ZIK1: variants seen among roughly 807,000 people sequenced by gnomAD.
ZIK1 encodes the protein zinc finger protein interacting with ribonucleoprotein K.
ZIK1 carries 12 observed loss-of-function variants against 10.7 expected under a neutral mutation model. The ratio of observed to expected loss-of-function variants is 1.12; its 90% CI spans 0.72 to 1.81. ZIK1 has a LOEUF of 1.81. Ranked by LOEUF, ZIK1 falls within the 40% of genes most tolerant of loss-of-function variation. ZIK1 has a pLI of 0.00. For synonymous variants in ZIK1, 190 were observed against 205.0 expected, an observed-to-expected ratio of 0.93 and a Z score of 0.63; for missense variants, 497 against 585.7, an observed-to-expected ratio of 0.85 and a Z score of 1.56.
chr19:57,585,452 G>A (rs919643071), intron 2 of ZIK1, among the ~76,000 whole-genome samples: 2 of 152,212 alleles, frequency 1.3e-5, no homozygotes, highest in African/African-American at 4.8e-5. Context: ...TGATGGAGGC[G>A]ATAGAAAGAC....
chr19:57,589,785 A>G (rs1979489672), intron 3 of ZIK1: 1 of 816,362 alleles, frequency 1.2e-6, no homozygotes, highest in Non-Finnish European at 1.5e-6. Context: ...AGGCAATGCC[A>G]TTCCCTGTCC....
Position 57,592,263 on chromosome 19 carries a change from CAT to C in ZIK1, c.*989_*990del, listed in dbSNP as rs1162914584. 3 of 152,200 alleles carry C rather than the reference CAT, an allele frequency of 2.0e-5. 1 individual carries two copies. The highest frequency in any genetic ancestry group is 4.1e-4 in the South Asian group (2 of 4,828). 9.4% of individuals were successfully genotyped at this position (152,200 alleles called of 1,614,324 possible). A position where few individuals can be genotyped will look rare whatever the true frequency, so the allele number is the denominator to read the frequency against. On this transcript the variant is annotated 3_prime_UTR_variant, in exon 4 of 4. Coordinates refer to ENST00000597850, the MANE Select transcript of ZIK1 (RefSeq NM_001010879.4). ...GTCACGCAGAAGACAACGCGAGTCACATGTGAACTGTAATTGGTACAGAAATA... is the reference window on the plus strand; with the variant it reads ...GTCACGCAGAAGACAACGCGAGTCACGTGAACTGTAATTGGTACAGAAATA...
chr19:57,584,854 A>G (rs1978985325), intron 1 of ZIK1, 98 bp from the exon 2 acceptor site: 5 of 1,389,862 alleles, frequency 3.6e-6, no homozygotes, highest in Non-Finnish European at 5.0e-6. Context: ...AGGCATCCTC[A>G]GTCCACCTGG....
intron 1 of ZIK1, 120 bp downstream of exon 1, chr19:57,584,509 C>T: frequency 7.0e-7 from 1 of 1,436,096 alleles, no homozygotes. Context: ...TCCCTATTTC[C>T]AGAACTTGGG....
chr19:57,588,812 CCTGCTGCCCAGTGGTCTGGGAACA>C, intron 3 of ZIK1, 147 bp downstream of exon 3: 2 of 860,342 alleles, frequency 2.3e-6, no homozygotes, highest in East Asian at 6.4e-5. Context: ...TCTGGGAACA[CCTGCTGCCCAGTGGTCTGGGAACA>C]CCTGCCACTG....
Position 57,591,690 on chromosome 19 carries a change from T to C in ZIK1, c.*415T>C, listed in dbSNP as rs558384423. On this transcript the variant is annotated 3_prime_UTR_variant, in exon 4 of 4. Transcript: ENST00000597850. ...CAGCCTTGGTTCTGCTGGACACTTA[T>C]GTGCAAGGATTCCCTTCATGTAAAT... 1.0e-4 allele frequency: 17 copies of C among 169,078 alleles called. No individual in the cohort carries two copies. Among genetic ancestry groups the C allele is most frequent in the South Asian group, 3.4e-4 (2 of 5,808 alleles). The allele number at this position is 169,078 out of a possible 1,614,324, so 10.5% of individuals were successfully genotyped here. A position where few individuals can be genotyped will look rare whatever the true frequency, so the allele number is the denominator to read the frequency against.
rs75594122 is a variant in ZIK1, at chr19:57,590,589, G to A, written c.778G>A (p.Val260Ile). ...GTACTCACTTGTTCAGCACCAGAGAGTCCATACTGGAGAAAGGCCTTGGGA... is the reference window on the plus strand; with the variant it reads ...GTACTCACTTGTTCAGCACCAGAGAATCCATACTGGAGAAAGGCCTTGGGA... ...GKYSLVQHQR[V>I]HTGERPWECN... The change falls in exon 4 of 4, where the codon GTC (valine) becomes ATC (isoleucine). Residue 260 changes from valine to isoleucine, a missense_variant. Coordinates refer to ENST00000597850, the MANE Select transcript of ZIK1 (RefSeq NM_001010879.4). 7.0e-4 allele frequency: 1,138 copies of A among 1,614,250 alleles called. 11 individuals are homozygous for A. In the African/African-American group the frequency reaches 0.014, roughly 20 times the overall value.
chr19:57,589,864 T>C (rs1979494636), intron 3 of ZIK1, 147 bp from the exon 4 acceptor site: 2 of 1,134,854 alleles, frequency 1.8e-6, no homozygotes, highest in Non-Finnish European at 1.2e-6. Flanking sequence ...AGATCCAGTA[T>C]TGCAAAGCAA....
chr19:57,585,743 C>G (rs996207925), intron 2 of ZIK1, among the ~76,000 whole-genome samples: 5 of 152,168 alleles, frequency 3.3e-5, no homozygotes, highest in African/African-American at 1.2e-4. Flanking sequence ...CAGTCTCACT[C>G]TGTCACTCAG....
intron 3 of ZIK1, 100 bp from the exon 4 acceptor site, chr19:57,589,911 A>T: frequency 7.1e-7 from 1 of 1,415,790 alleles, no homozygotes; most frequent in South Asian, 1.4e-5. Context: ...CATTATCCTC[A>T]AAACAAACCT....
chr19:57,589,473 C>T (rs933262948), intron 3 of ZIK1: 17 of 985,306 alleles, frequency 1.7e-5, no homozygotes, highest in Middle Eastern at 5.2e-4. Context: ...GCTACCTCCA[C>T]CTTTCTGATC....
At position 57,592,256 on chromosome 19, in the gene ZIK1, C is replaced by T. The variant is rs908533282; in HGVS notation, c.*981C>T. ...GGCCGATGTCACGCAGAAGACAACG[C>T]GAGTCACATGTGAACTGTAATTGGT... On this transcript the variant is annotated 3_prime_UTR_variant, in exon 4 of 4. Transcript: ENST00000597850. 9.9e-5 allele frequency: 15 copies of T among 151,976 alleles called. No individual in the cohort carries two copies. The highest frequency in any genetic ancestry group is 3.6e-4 in the African/African-American group (15 of 41,376). The allele number at this position is 151,976 out of a possible 1,614,324, so 9.4% of individuals were successfully genotyped here. A position where few individuals can be genotyped will look rare whatever the true frequency, so the allele number is the denominator to read the frequency against.
intron 3 of ZIK1, 64 bp downstream of exon 3, chr19:57,588,729 T>C: frequency 7.3e-7 from 1 of 1,369,864 alleles, no homozygotes; most frequent in Non-Finnish European, 9.5e-7. Context: ...ACTTCTCCAC[T>C]TTCTTGGGAT....
intron 2 of ZIK1, among the ~76,000 whole-genome samples, chr19:57,586,724 C>CTGATAAAG (rs1979195016): frequency 6.6e-6 from 1 of 152,170 alleles, no homozygotes; most frequent in African/African-American, 2.4e-5. Context: ...AGTCCATTTT[C>CTGATAAAG]ACACTGCTGA....
chr19:57,591,021 G>A lies in ZIK1; in HGVS notation c.1210G>A (p.Glu404Lys). ...LIKHQRVHTG[E>K]RPYKCGDCGK... is the part of the protein sequence containing the mutation. ...TAAACACCAGAGAGTTCACACTGGA[G>A]AAAGGCCTTATAAGTGTGGTGACTG... Residue 404 changes from glutamate (E) to lysine (K), a missense_variant, in exon 4 of 4, where the codon GAA becomes AAA. Glu to Lys is a moderately conservative substitution (Grantham distance 56, BLOSUM62 1). Transcript: ENST00000597850. The A allele has an allele frequency of 6.2e-7, 1 of 1,614,180 alleles. No homozygotes were observed.
Position 57,590,675 on chromosome 19 carries a change from C to T in ZIK1, c.864C>T (p.Ile288=). Reference sequence around the variant, plus strand: ...CCCACCTGAATGATCATCGGAGAATCCACACCGGAGAAAGGCCTTATGAGT... The same window carrying T: ...CCCACCTGAATGATCATCGGAGAATTCACACCGGAGAAAGGCCTTATGAGT... The part of the protein sequence containing the change: ...QTSHLNDHRR[I]HTGERPYECS... The change falls in exon 4 of 4, where the codon ATC becomes ATT. Residue 288 remains isoleucine, a synonymous_variant. Coordinates refer to ENST00000597850, the MANE Select transcript of ZIK1 (RefSeq NM_001010879.4). 1 of 1,614,058 alleles carries T rather than the reference C, an allele frequency of 6.2e-7. No homozygotes were observed. The highest frequency in any genetic ancestry group is 2.2e-5 in the East Asian group (1 of 44,870).
intron 3 of ZIK1, 21 bp downstream of exon 3, chr19:57,588,686 C>G: frequency 6.7e-7 from 1 of 1,501,366 alleles, no homozygotes; most frequent in East Asian, 2.4e-5. Flanking sequence ...AATACCAACT[C>G]CAGTGTCCTG....
chr19:57,589,178 G>A (rs993928686), intron 3 of ZIK1: 48 of 770,472 alleles, frequency 6.2e-5, no homozygotes, highest in Non-Finnish European at 7.4e-5. Context: ...TTTCTGGTAG[G>A]ACTTGGCTTC....
At chr19:57,589,840 T>G in intron 3 of ZIK1, 171 bp from the exon 4 acceptor site, 1 of 659,018 alleles carries the variant, frequency 1.5e-6, no homozygotes, top group Non-Finnish European at 1.9e-6. Context: ...CCTCCCTCAT[T>G]CTGTGATCTT....
Sources: allele counts gnomAD v4.1 joint callset (sites outside exome capture counted in the v4.1 genomes callset), GRCh38; gene constraint gnomAD v4.1.1; transcripts MANE v1.5; gene names NCBI Gene and HGNC (gene_info 2026-07-23, HGNC 2026-07-21).